XNDC1N: variants seen among roughly 807,000 people sequenced by gnomAD.
XNDC1N encodes XRCC1 N-terminal domain containing 1, N-terminal like.
chr11:71,926,707 C>G, the XNDC1N span, among the ~76,000 whole-genome samples: 1 of 151,842 alleles, frequency 6.6e-6, no homozygotes, highest in South Asian at 2.1e-4. Context: ...TTGAGACCAG[C>G]CTGGCCAACA....
the XNDC1N span, among the ~76,000 whole-genome samples, chr11:71,927,304 C>T: frequency 6.6e-6 from 1 of 152,024 alleles, no homozygotes; most frequent in Admixed American, 6.5e-5. Context: ...GAGGCCGAGG[C>T]GGGTGGATCA....
the XNDC1N span, among the ~76,000 whole-genome samples, chr11:71,923,991 G>A: frequency 8.7e-4 from 133 of 152,238 alleles, no homozygotes; most frequent in African/African-American, 3.2e-3. Flanking sequence ...AATATATTAA[G>A]ATGTTAATGT....
At chr11:71,873,345 A>G in the XNDC1N span, among the ~76,000 whole-genome samples, 2 of 152,074 alleles carry the variant, frequency 1.3e-5, no homozygotes, top group South Asian at 2.1e-4. Context: ...TTTTGTATTC[A>G]TTTTTATGTA....
At chr11:71,895,703 T>C in the XNDC1N span, among the ~76,000 whole-genome samples, 1 of 152,218 alleles carries the variant, frequency 6.6e-6, no homozygotes, top group Non-Finnish European at 1.5e-5. Flanking sequence ...TGTTATACAC[T>C]TGCATATACA....
the XNDC1N span, among the ~76,000 whole-genome samples, chr11:71,901,684 C>T: frequency 2.6e-5 from 4 of 151,916 alleles, no homozygotes; most frequent in African/African-American, 9.7e-5. Context: ...CCCGGGACTT[C>T]GAGTCTGGCC....
the XNDC1N span, chr11:71,893,932 G>C: frequency 9.3e-7 from 1 of 1,072,256 alleles, no homozygotes; most frequent in Non-Finnish European, 1.3e-6. Flanking sequence ...TAGCCTGTTG[G>C]ATTCCCAGCT....
chr11:71,916,201 G>T, the XNDC1N span: 2 of 702,752 alleles, frequency 2.8e-6, no homozygotes, highest in Non-Finnish European at 5.2e-6. Flanking sequence ...TCGGGAGCAG[G>T]TCAGGCGAAG....
chr11:71,885,796 T>C, the XNDC1N span, among the ~76,000 whole-genome samples: 1 of 151,954 alleles, frequency 6.6e-6, no homozygotes, highest in Non-Finnish European at 1.5e-5. Flanking sequence ...ATATTAATTC[T>C]TAGGAGCTAA....
the XNDC1N span, among the ~76,000 whole-genome samples, chr11:71,919,747 A>AGCT: frequency 6.7e-6 from 1 of 150,130 alleles, no homozygotes; most frequent in East Asian, 2.0e-4. Flanking sequence ...CCTCCCGAGT[A>AGCT]GCTGGGACTA....
chr11:71,876,234 T>G, the XNDC1N span, among the ~76,000 whole-genome samples: 1 of 152,174 alleles, frequency 6.6e-6, no homozygotes, highest in Admixed American at 6.5e-5. Flanking sequence ...TAGGTCAAAT[T>G]TAATTATCTA....
At chr11:71,909,054 G>T in the XNDC1N span, among the ~76,000 whole-genome samples, 5 of 152,170 alleles carry the variant, frequency 3.3e-5, no homozygotes, top group Non-Finnish European at 5.9e-5. Context: ...ACTGTGTGAG[G>T]TCTATCGTAT....
At chr11:71,884,046 C>T in the XNDC1N span, among the ~76,000 whole-genome samples, 2 of 152,320 alleles carry the variant, frequency 1.3e-5, no homozygotes, top group Middle Eastern at 6.8e-3. Context: ...ACACTAGATT[C>T]CATCCCCAAT....
At chr11:71,866,795 A>T in the XNDC1N span, among the ~76,000 whole-genome samples, 1 of 152,064 alleles carries the variant, frequency 6.6e-6, no homozygotes, top group Non-Finnish European at 1.5e-5. Flanking sequence ...AATACTATAT[A>T]ACATGAAAGC....
the XNDC1N span, chr11:71,916,459 G>T: frequency 1.6e-5 from 9 of 553,652 alleles, no homozygotes; most frequent in African/African-American, 1.5e-4. Flanking sequence ...CTCATATTCA[G>T]TCTCTTGCCT....
the XNDC1N span, chr11:71,923,427 CACTG>C: frequency 4.3e-6 from 3 of 698,270 alleles, no homozygotes; most frequent in East Asian, 2.7e-5. Context: ...ACTACTTTGG[CACTG>C]ACTATGTGTT....
the XNDC1N span, among the ~76,000 whole-genome samples, chr11:71,911,157 T>C: frequency 6.6e-5 from 10 of 152,300 alleles, no homozygotes; most frequent in Admixed American, 2.6e-4. Context: ...AGCAAATAAG[T>C]TGACTGTTGG....
chr11:71,866,881 G>T, the XNDC1N span, among the ~76,000 whole-genome samples: 1,353 of 152,166 alleles, frequency 8.9e-3, 6 homozygotes, highest in Non-Finnish European at 0.014. Context: ...TGGAAAATTT[G>T]ATATGATCGA....
the XNDC1N span, chr11:71,865,994 G>C: frequency 3.5e-6 from 1 of 284,446 alleles, no homozygotes; most frequent in African/African-American, 2.3e-5. Flanking sequence ...GTAAATAGGA[G>C]TTAGAAAATT....
At chr11:71,916,151 G>C in the XNDC1N span, 1 of 702,996 alleles carries the variant, frequency 1.4e-6, no homozygotes. Context: ...GAACACACCC[G>C]TAGAAAGGCC....
Sources: allele counts gnomAD v4.1 joint callset (sites outside exome capture counted in the v4.1 genomes callset), GRCh38; gene constraint gnomAD v4.1.1; transcripts MANE v1.5; gene names NCBI Gene and HGNC (gene_info 2026-07-23, HGNC 2026-07-21).